MTUS2: variants seen among roughly 807,000 people sequenced by gnomAD.
MTUS2 encodes microtubule-associated tumor suppressor candidate 2.
MTUS2 carries 40 observed loss-of-function variants against 114.1 expected under a neutral mutation model. The ratio of observed to expected loss-of-function variants is 0.35; its 90% confidence interval spans 0.27 to 0.46. MTUS2 has a LOEUF of 0.46. Ranked by LOEUF, MTUS2 falls within the 20% of genes least tolerant of loss-of-function variation. The probability of loss-of-function intolerance (pLI) is 1.00; values close to 1 mark genes in which losing one functional copy is unlikely to be tolerated. For synonymous variants in MTUS2, 688 were observed against 672.0 expected (o/e 1.02, Z -0.37); for missense variants, 1,679 against 1,705.4 (o/e 0.98, Z 0.27).
intron 1 of MTUS2, among the ~76,000 whole-genome samples, chr13:28,839,043 T>C (rs1273606729): frequency 6.6e-6 from 1 of 152,014 alleles, no homozygotes; most frequent in African/African-American, 2.4e-5. Context: ...TTGCGATATG[T>C]GTAGGTAAAA....
At chr13:29,367,566 C>G (rs929791184) in intron 8 of MTUS2, among the ~76,000 whole-genome samples, 1 of 151,878 alleles carries the variant, frequency 6.6e-6, no homozygotes, top group African/African-American at 2.4e-5. Flanking sequence ...CACATCTCTG[C>G]CAGTGGAATA....
intron 10 of MTUS2, among the ~76,000 whole-genome samples, chr13:29,483,419 C>G (rs1044792952): frequency 3.3e-5 from 5 of 152,248 alleles, no homozygotes; most frequent in Admixed American, 6.5e-5. Flanking sequence ...GGCTGGCTCT[C>G]TGCCCACGGC....
intron 2 of MTUS2, among the ~76,000 whole-genome samples, chr13:28,900,712 A>G (rs911887677): frequency 2.0e-5 from 3 of 152,250 alleles, no homozygotes; most frequent in African/African-American, 7.2e-5. Flanking sequence ...GCTGTCACAA[A>G]TAAAGCTGTT....
At chr13:29,404,309 G>A (rs952883598) in intron 8 of MTUS2, among the ~76,000 whole-genome samples, 1 of 151,900 alleles carries the variant, frequency 6.6e-6, no homozygotes, top group Non-Finnish European at 1.5e-5. Context: ...CTGTGATTGC[G>A]CCACCGCACT....
intron 2 of MTUS2, among the ~76,000 whole-genome samples, chr13:28,996,552 A>G (rs1056128441): frequency 1.3e-5 from 2 of 152,112 alleles, no homozygotes; most frequent in African/African-American, 4.8e-5. Flanking sequence ...TTGGTAAGCT[A>G]TTAATTATTG....
At position 29,487,886 on chromosome 13, in the gene MTUS2, C is replaced by T. The variant is rs769155232; in HGVS notation, c.3400-14C>T. ...CAGCTCTCTGTCTAACCAGTAACTG[C>T]GACTCTCCTCCAGGTGGAAGATCTC... is the stretch of plus-strand genomic sequence containing the variant. On this transcript the variant is annotated splice_polypyrimidine_tract_variant and intron_variant, in intron 10 of 15. Coordinates refer to ENST00000612955, the MANE Select transcript of MTUS2 (RefSeq NM_001033602.4). The T allele has an allele frequency of 4.9e-5, 79 of 1,600,222 alleles. No individual in the cohort carries two copies. Among genetic ancestry groups the T allele is most frequent in the African/African-American group, 6.7e-5 (5 of 74,616 alleles).
intron 5 of MTUS2, among the ~76,000 whole-genome samples, chr13:29,271,903 G>C (rs1449130250): frequency 1.3e-5 from 2 of 152,196 alleles, no homozygotes; most frequent in African/African-American, 4.8e-5. Context: ...AAAGCTTGCT[G>C]TGAGGGTTTA....
chr13:29,385,187 G>A (rs749347606), intron 8 of MTUS2, among the ~76,000 whole-genome samples: 1 of 152,152 alleles, frequency 6.6e-6, no homozygotes, highest in East Asian at 1.9e-4. Context: ...GAAATACTAG[G>A]CCGTGCTACC....
rs4769716 is a variant in MTUS2 at position 29,325,325 on chromosome 13, T to A, written c.2905+614T>A. Among the ~76,000 whole-genome samples the A allele has an allele frequency of 9.2e-5, 14 of 151,366 alleles. No homozygotes were observed. In the South Asian group the frequency reaches 2.9e-3, roughly 32 times the overall value. On this transcript the variant is annotated intron_variant, in intron 7 of 15. Transcript: ENST00000612955. ...ATAAAAAATAGCTGGGTGTGATGGC[T>A]TTCGCCTGTAGTCCCAGCTACTTGG... is the stretch of plus-strand genomic sequence containing the variant.
At chr13:29,009,500 A>T (rs1885745702) in intron 2 of MTUS2, among the ~76,000 whole-genome samples, 1 of 152,204 alleles carries the variant, frequency 6.6e-6, no homozygotes, top group Non-Finnish European at 1.5e-5. Context: ...GGTTATATTG[A>T]TATGACATTC....
chr13:28,952,797 A>G (rs1030057752), intron 2 of MTUS2, among the ~76,000 whole-genome samples: 9 of 152,234 alleles, frequency 5.9e-5, no homozygotes, highest in East Asian at 1.9e-4. Context: ...TTATGGCTAC[A>G]TACTGTTCCA....
chr13:29,279,860 T>C (rs1205485429), intron 5 of MTUS2, among the ~76,000 whole-genome samples: 1 of 152,218 alleles, frequency 6.6e-6, no homozygotes, highest in Non-Finnish European at 1.5e-5. Flanking sequence ...TACAAGTGCA[T>C]TTGAACTCTA....
At chr13:29,100,421 T>G (rs530712883) in intron 4 of MTUS2, among the ~76,000 whole-genome samples, 1 of 152,342 alleles carries the variant, frequency 6.6e-6, no homozygotes, top group African/African-American at 2.4e-5. Context: ...GAATCTGGGG[T>G]AACATGCAAC....
At chr13:29,098,237 T>C (rs918172372) in intron 4 of MTUS2, among the ~76,000 whole-genome samples, 2 of 152,162 alleles carry the variant, frequency 1.3e-5, no homozygotes, top group Non-Finnish European at 2.9e-5. Flanking sequence ...TCAAATACAT[T>C]GTGGAAACCA....
intron 4 of MTUS2, among the ~76,000 whole-genome samples, chr13:29,056,945 A>G (rs1888161480): frequency 6.6e-6 from 1 of 151,926 alleles, no homozygotes; most frequent in Non-Finnish European, 1.5e-5. Context: ...GTGGGTCTTT[A>G]GCACTGTACA....
intron 5 of MTUS2, among the ~76,000 whole-genome samples, chr13:29,164,287 A>T (rs1047900795): frequency 1.1e-4 from 16 of 152,026 alleles, no homozygotes; most frequent in Non-Finnish European, 2.9e-5. Flanking sequence ...AGTCAGCATC[A>T]TTTGCTTTCC....
At chr13:28,859,091 A>G (rs1876811099) in intron 2 of MTUS2, among the ~76,000 whole-genome samples, 1 of 152,202 alleles carries the variant, frequency 6.6e-6, no homozygotes, top group East Asian at 1.9e-4. Context: ...ATTACATGGG[A>G]GGCCCTGTGC....
chr13:29,205,884 C>G (rs1274017224), intron 5 of MTUS2, among the ~76,000 whole-genome samples: 1 of 152,138 alleles, frequency 6.6e-6, no homozygotes, highest in Non-Finnish European at 1.5e-5. Context: ...GTTCAAGTAT[C>G]TTTTTCATAT....
At chr13:29,299,041 T>A (rs1308200066) in intron 6 of MTUS2, among the ~76,000 whole-genome samples, 2 of 152,006 alleles carry the variant, frequency 1.3e-5, no homozygotes, top group Non-Finnish European at 2.9e-5. Context: ...GGTAGAAGAG[T>A]TTGTAGGAGA....
Sources: gnomAD v4.1 joint callset for allele counts (sites outside exome capture counted in the v4.1 genomes callset) on GRCh38, gnomAD v4.1.1 for gene constraint, MANE v1.5 for transcripts, NCBI Gene and HGNC (gene_info 2026-07-23, HGNC 2026-07-21) for gene names.